The following CERKL variants were observed in gnomAD, a reference collection of about 807,000 sequenced individuals.
CERKL encodes the protein CERK like autophagy regulator.
A neutral mutation model predicts 63.4 loss-of-function variants in CERKL; 61 were observed. That is an observed-to-expected ratio of 0.96 (90% confidence interval 0.78 to 1.19). The LOEUF is 1.19. Among genes scored for constraint, CERKL ranks in the 50% most tolerant of loss-of-function variants. The pLI is 0.00. For synonymous variants in CERKL, 250 were observed against 230.5 expected, an observed-to-expected ratio of 1.08 and a Z score of -0.77; for missense variants, 675 against 655.5, an observed-to-expected ratio of 1.03 and a Z score of -0.33.
At chr2:181,607,086 G>A (rs1685751479) in intron 1 of CERKL, among the ~76,000 whole-genome samples, 1 of 152,040 alleles carries the variant, frequency 6.6e-6, no homozygotes, top group South Asian at 2.1e-4. Context: ...ATTTTTAAAG[G>A]ACAAAAATGC....
intron 1 of CERKL, among the ~76,000 whole-genome samples, chr2:181,606,084 GAGAA>G (rs1357219164): frequency 4.0e-5 from 6 of 149,056 alleles, no homozygotes; most frequent in Admixed American, 1.4e-4. Flanking sequence ...GAAAAAGAAA[GAGAA>G]AGAAAGAAAA....
intron 2 of CERKL, among the ~76,000 whole-genome samples, chr2:181,602,624 C>A (rs1273166158): frequency 2.0e-5 from 3 of 152,228 alleles, no homozygotes; most frequent in Non-Finnish European, 4.4e-5. Flanking sequence ...TGTAATGTCA[C>A]TTCAGCTCAT....
At chr2:181,630,859 C>T (rs1686927603) in intron 1 of CERKL, among the ~76,000 whole-genome samples, 1 of 152,134 alleles carries the variant, frequency 6.6e-6, no homozygotes, top group African/African-American at 2.4e-5. Flanking sequence ...GACCTGTTGT[C>T]GTATTGCCAT....
chr2:181,552,755 G>A (rs1398429116), intron 5 of CERKL, among the ~76,000 whole-genome samples: 1 of 152,068 alleles, frequency 6.6e-6, no homozygotes, highest in East Asian at 1.9e-4. Context: ...ATTTCACAAT[G>A]TATACATGTT....
chr2:181,603,691 T>G (rs1458722436), intron 2 of CERKL, 146 bp downstream of exon 2: 1 of 847,226 alleles, frequency 1.2e-6, no homozygotes, highest in Non-Finnish European at 2.0e-6. Flanking sequence ...ATTTAGCAAA[T>G]TTCAACACTT....
chr2:181,548,558 C>T lies in CERKL; in HGVS notation c.1120G>A (p.Asp374Asn), dbSNP rs372622726. The T allele has an allele frequency of 5.0e-6, 8 of 1,611,758 alleles. No individual in the cohort carries two copies. Among genetic ancestry groups the T allele is most frequent in the Non-Finnish European group, 6.8e-6 (8 of 1,178,298 alleles). ...ISFLPFNSSD[D>N]VQERRAQGSP... ...GTTTTTACCTACCTTTCTTGCACAT[C>T]ATCAGAGCTGTTAAATGGTAAAAAT... The change falls in exon 8 of 13, where the codon GAT becomes AAT. Residue 374 changes from aspartate to asparagine, a missense_variant. Asp to Asn is a conservative substitution (Grantham distance 23). Coordinates refer to ENST00000410087, the MANE Select transcript of CERKL (RefSeq NM_201548.5).
At chr2:181,589,723 G>A (rs543734938) in intron 2 of CERKL, among the ~76,000 whole-genome samples, 2 of 152,228 alleles carry the variant, frequency 1.3e-5, no homozygotes, top group East Asian at 3.9e-4. Flanking sequence ...GAAAACATGG[G>A]TGAATTTATC....
chr2:181,547,478 T>A (rs965615464), intron 10 of CERKL, 140 bp downstream of exon 10: 1 of 712,172 alleles, frequency 1.4e-6, no homozygotes, highest in Middle Eastern at 3.4e-4. Context: ...CCTACTGTGA[T>A]GACAAATCCC....
chr2:181,653,672 C>G (rs952208851), intron 1 of CERKL, among the ~76,000 whole-genome samples: 1 of 152,104 alleles, frequency 6.6e-6, no homozygotes, highest in East Asian at 1.9e-4. Context: ...ACATGTCACT[C>G]ACATGTAGAA....
chr2:181,587,665 A>G (rs1344420297), intron 2 of CERKL, among the ~76,000 whole-genome samples: 2 of 152,172 alleles, frequency 1.3e-5, no homozygotes, highest in Non-Finnish European at 2.9e-5. Context: ...GCATTTAAAT[A>G]CAATTAACCT....
At chr2:181,593,851 T>G (rs1685084200) in intron 2 of CERKL, among the ~76,000 whole-genome samples, 1 of 149,258 alleles carries the variant, frequency 6.7e-6, no homozygotes, top group South Asian at 2.1e-4. Context: ...TACCCTGCCT[T>G]TCCAGAAAAC....
At chr2:181,639,231 G>A (rs1047635690) in intron 1 of CERKL, among the ~76,000 whole-genome samples, 1 of 152,092 alleles carries the variant, frequency 6.6e-6, no homozygotes, top group African/African-American at 2.4e-5. Context: ...GAAATTATAT[G>A]ATGCCTAGGA....
At chr2:181,560,865 T>C (rs1414617212) in intron 4 of CERKL, among the ~76,000 whole-genome samples, 1 of 152,166 alleles carries the variant, frequency 6.6e-6, no homozygotes, top group African/African-American at 2.4e-5. Flanking sequence ...AGAAAAAATA[T>C]GTATTTATTT....
At chr2:181,585,559 C>T (rs1684726492) in intron 2 of CERKL, among the ~76,000 whole-genome samples, 1 of 151,830 alleles carries the variant, frequency 6.6e-6, no homozygotes, top group African/African-American at 2.4e-5. Context: ...TATCTAGATC[C>T]CTTAGAAAAA....
chr2:181,565,500 T>C (rs1471406543), intron 4 of CERKL: 2 of 1,609,182 alleles, frequency 1.2e-6, no homozygotes, highest in South Asian at 2.2e-5. Flanking sequence ...AACAATGGTT[T>C]CCGATGCCCA....
intron 1 of CERKL, among the ~76,000 whole-genome samples, chr2:181,647,462 C>T (rs1687718478): frequency 1.3e-5 from 2 of 152,080 alleles, no homozygotes; most frequent in African/African-American, 4.8e-5. Context: ...ACTATACCAC[C>T]ATCAAAAACT....
chr2:181,576,630 AG>A (rs1159935185), intron 2 of CERKL, among the ~76,000 whole-genome samples: 1 of 152,236 alleles, frequency 6.6e-6, no homozygotes, highest in Non-Finnish European at 1.5e-5. Context: ...AGGTGTTGAA[AG>A]AAACACTCTG....
chr2:181,548,847 C>T lies in CERKL; in HGVS notation c.906G>A (p.Gln302=). 1 of 1,613,794 alleles carries T rather than the reference C, an allele frequency of 6.2e-7. No individual in the cohort carries two copies. Among genetic ancestry groups the T allele is most frequent in the Non-Finnish European group, 8.5e-7 (1 of 1,179,796 alleles). Residue 302 remains glutamine (Q), a synonymous_variant, in exon 7 of 13, where the codon CAG becomes CAA. Coordinates refer to ENST00000410087, the MANE Select transcript of CERKL (RefSeq NM_201548.5). ...ATLHIIMGHV[Q]LVDVCTFSTA... is the part of the protein sequence containing the mutation. The stretch of plus-strand genomic sequence containing the variant: ...TGCTGAAGGTGCAGACGTCGACCAG[C>T]TGTACATGCCCTTGAATATTACATT...
At chr2:181,645,111 C>A (rs986885147) in intron 1 of CERKL, among the ~76,000 whole-genome samples, 1 of 152,158 alleles carries the variant, frequency 6.6e-6, no homozygotes, top group Non-Finnish European at 1.5e-5. Context: ...CATTTACCCA[C>A]CACTCCAATC....
Sources: gnomAD v4.1 joint callset for allele counts (sites outside exome capture counted in the v4.1 genomes callset) on GRCh38, gnomAD v4.1.1 for gene constraint, MANE v1.5 for transcripts, NCBI Gene and HGNC (gene_info 2026-07-23, HGNC 2026-07-21) for gene names.